Variants in GCNT2 observed in about 807,000 individuals in gnomAD.
GCNT2 encodes the protein glucosaminyl (N-acetyl) transferase 2 (I blood group).
A neutral mutation model predicts 34.2 loss-of-function variants in GCNT2; 34 were observed. The observed-to-expected ratio is 1.00, with a 90% CI of 0.76 to 1.32. The LOEUF is 1.32. GCNT2 is among the 40% of genes most tolerant of loss of function. The pLI is 0.00. For synonymous variants in GCNT2, 212 were observed against 188.0 expected, an observed-to-expected ratio of 1.13 and a Z score of -1.04; for missense variants, 584 against 489.4, an observed-to-expected ratio of 1.19 and a Z score of -1.82.
At chr6:10,557,487 G>C in intron 3 of GCNT2, 1 of 678,104 alleles carries the variant, frequency 1.5e-6, no homozygotes, top group South Asian at 1.9e-5. Flanking sequence ...AATGCAGAAA[G>C]ATGTTCTTTT....
chr6:10,527,760 G>C (rs1410711210), intron 2 of GCNT2, 100 bp downstream of exon 2: 2 of 152,038 alleles, frequency 1.3e-5, no homozygotes, highest in Admixed American at 6.6e-5. Context: ...CCATTTTGCT[G>C]CTGCTTTACC....
At chr6:10,617,750 CTTTTT>C (rs3064178) in intron 3 of GCNT2, among the ~76,000 whole-genome samples, 19 of 101,738 alleles carry the variant, frequency 1.9e-4, no homozygotes, top group Middle Eastern at 4.6e-3. Flanking sequence ...TGCATTTCTT[CTTTTT>C]TTTTTTTTTT....
intron 3 of GCNT2, among the ~76,000 whole-genome samples, chr6:10,546,582 C>T (rs1159997430): frequency 1.3e-5 from 2 of 152,088 alleles, no homozygotes; most frequent in Admixed American, 1.3e-4. Context: ...TTGCTTGAAC[C>T]CAGGGGGCGG....
At position 10,557,281 on chromosome 6, in the gene GCNT2, G is replaced by T. The variant is rs911890175; in HGVS notation, c.925+27445G>T. On this transcript the variant is annotated intron_variant, in intron 3 of 4. Coordinates refer to ENST00000495262, the MANE Select transcript of GCNT2 (RefSeq NM_145649.5). ...ACCCACGGGCTGTTGATTTGCTCCA[G>T]TGGTCCAAGGACACTTTCAGTCCTG... is the stretch of plus-strand genomic sequence containing the variant. 7 of 1,613,226 alleles carry T rather than the reference G, an allele frequency of 4.3e-6. No homozygotes were observed. The Admixed American group carries it at 1.0e-4, about 23-fold the overall frequency.
intron 4 of GCNT2, among the ~76,000 whole-genome samples, chr6:10,623,396 A>T (rs1422697377): frequency 6.6e-6 from 1 of 151,222 alleles, no homozygotes; most frequent in Non-Finnish European, 1.5e-5. Flanking sequence ...GGTTCAAGTG[A>T]TTCTCATGCC....
intron 3 of GCNT2, among the ~76,000 whole-genome samples, chr6:10,590,095 CTTAA>C (rs1764566178): frequency 1.3e-5 from 2 of 152,156 alleles, no homozygotes; most frequent in African/African-American, 4.8e-5. Flanking sequence ...TTCTCCTGAT[CTTAA>C]GGGACCCTTA....
rs1297002535 is a variant in GCNT2 at position 10,592,679 on chromosome 6, A to G, written c.926-28672A>G. Among the ~76,000 whole-genome samples, 4 of 152,152 alleles carry G rather than the reference A, an allele frequency of 2.6e-5. No homozygotes were observed. The East Asian group carries it at 7.7e-4, about 29-fold the overall frequency. Reference sequence around the variant, plus strand: ...CCTAACATTTCTGTTCGCCACCCCTAAAAAGGAAATAATTGGGAAACGCTA... The same window carrying G: ...CCTAACATTTCTGTTCGCCACCCCTGAAAAGGAAATAATTGGGAAACGCTA... On this transcript the variant is annotated intron_variant, in intron 3 of 4. Coordinates refer to ENST00000495262, the MANE Select transcript of GCNT2 (RefSeq NM_145649.5).
At chr6:10,541,532 C>T (rs1211185449) in intron 3 of GCNT2, among the ~76,000 whole-genome samples, 1 of 152,076 alleles carries the variant, frequency 6.6e-6, no homozygotes, top group Non-Finnish European at 1.5e-5. Context: ...TATGGGATCG[C>T]TGGGTCAAAT....
chr6:10,565,925 C>T (rs748632359), intron 3 of GCNT2, among the ~76,000 whole-genome samples: 3 of 152,206 alleles, frequency 2.0e-5, no homozygotes, highest in Admixed American at 6.5e-5. Context: ...CATCCCTCTC[C>T]TCCTTAGAAG....
At chr6:10,570,455 G>C (rs948258712) in intron 3 of GCNT2, among the ~76,000 whole-genome samples, 2 of 152,176 alleles carry the variant, frequency 1.3e-5, no homozygotes, top group Non-Finnish European at 2.9e-5. Flanking sequence ...GAACTTAACT[G>C]TGAAAATATT....
chr6:10,587,032 G>A (rs1764385876), intron 3 of GCNT2: 1 of 786,410 alleles, frequency 1.3e-6, no homozygotes, highest in South Asian at 1.5e-5. Flanking sequence ...AAAACTATTA[G>A]TTTGGTTGCT....
rs1416574071 is a variant in GCNT2 at position 10,627,874 on chromosome 6, G to A, written c.*1267G>A. 6.6e-6 allele frequency: 1 copy of A among 152,382 alleles called. No individual in the cohort carries two copies. Among genetic ancestry groups the A allele is most frequent in the Non-Finnish European group, 1.5e-5 (1 of 68,030 alleles). The allele number at this position is 152,382 out of a possible 1,614,324, so 9.4% of individuals were successfully genotyped here. A position where few individuals can be genotyped will look rare whatever the true frequency, so the allele number is the denominator to read the frequency against. On this transcript the variant is annotated 3_prime_UTR_variant, in exon 5 of 5. Transcript: ENST00000495262. ...TAAATCAGAGATTATTCAACAGAGAGGGAGAAAGGAGGAGACAGAGGGAGG... is the reference window on the plus strand; with the variant it reads ...TAAATCAGAGATTATTCAACAGAGAAGGAGAAAGGAGGAGACAGAGGGAGG...
chr6:10,629,155 GAAC>G lies in GCNT2; in HGVS notation c.*2551_*2553del, dbSNP rs1160724150. 1 of 152,656 alleles carries G rather than the reference GAAC, an allele frequency of 6.6e-6. No homozygotes were observed. Among genetic ancestry groups the G allele is most frequent in the Non-Finnish European group, 1.5e-5 (1 of 68,048 alleles). 9.5% of individuals were successfully genotyped at this position (152,656 alleles called of 1,614,324 possible). On this transcript the variant is annotated 3_prime_UTR_variant, in exon 5 of 5. Coordinates refer to ENST00000495262, the MANE Select transcript of GCNT2 (RefSeq NM_145649.5). ...TTTTACACTGGATGTTTCTCATGTA[GAAC>G]AAGAAATCTTTCTGGAATTGATGTT... is the stretch of plus-strand genomic sequence containing the variant.
intron 3 of GCNT2, chr6:10,557,247 T>A: frequency 3.1e-6 from 5 of 1,601,696 alleles, no homozygotes; most frequent in Non-Finnish European, 3.4e-6. Flanking sequence ...GCCAACTTTG[T>A]TCTGCATGAC....
intron 3 of GCNT2, among the ~76,000 whole-genome samples, chr6:10,611,249 ATCAATTGATCACTTGAACTGGT>A (rs570188917): frequency 2.6e-5 from 3 of 115,402 alleles, no homozygotes; most frequent in Admixed American, 8.9e-5. Flanking sequence ...ATCCTAAGTG[ATCAATTGATCACTTGAACTGGT>A]TCAATTGATC....
At chr6:10,622,730 T>C (rs1340990977) in intron 4 of GCNT2, among the ~76,000 whole-genome samples, 1 of 142,344 alleles carries the variant, frequency 7.0e-6, no homozygotes, top group Non-Finnish European at 1.5e-5. Context: ...TTGCCTCTAC[T>C]CCTCAGTCCA....
intron 3 of GCNT2, among the ~76,000 whole-genome samples, chr6:10,599,325 A>C (rs1764998037): frequency 6.6e-6 from 1 of 152,240 alleles, no homozygotes; most frequent in Admixed American, 6.5e-5. Context: ...GTGTTAACTG[A>C]CTCTTGAAAA....
chr6:10,601,133 C>G (rs561557923), intron 3 of GCNT2, among the ~76,000 whole-genome samples: 97 of 152,214 alleles, frequency 6.4e-4, no homozygotes, highest in African/African-American at 2.0e-3. Flanking sequence ...GTTCCTTTTG[C>G]CCTGCTTTTC....
intron 3 of GCNT2, among the ~76,000 whole-genome samples, chr6:10,605,953 G>C (rs1280941583): frequency 6.6e-6 from 1 of 152,132 alleles, no homozygotes; most frequent in Admixed American, 6.5e-5. Flanking sequence ...CTCCTTCTCT[G>C]ATGGGCTTGC....
Sources: gnomAD v4.1 joint callset for allele counts (sites outside exome capture counted in the v4.1 genomes callset) on GRCh38, gnomAD v4.1.1 for gene constraint, MANE v1.5 for transcripts, NCBI Gene and HGNC (gene_info 2026-07-23, HGNC 2026-07-21) for gene names.